The following LRRTM4 variants were observed in gnomAD, a reference collection of about 807,000 sequenced individuals.
LRRTM4 encodes leucine-rich repeat transmembrane neuronal protein 4.
A neutral mutation model predicts 47.6 loss-of-function variants in LRRTM4; 25 were observed. The ratio of observed to expected loss-of-function variants is 0.53; its 90% confidence interval spans 0.38 to 0.73. The LOEUF is 0.73. Among genes scored for constraint, LRRTM4 ranks in the 30% least tolerant of loss-of-function variants. The pLI, the probability that LRRTM4 is intolerant of heterozygous loss-of-function variation, is 0.00. For synonymous variants in LRRTM4, 311 were observed against 269.5 expected, an observed-to-expected ratio of 1.15 and a Z score of -1.51; for missense variants, 638 against 713.4, an observed-to-expected ratio of 0.89 and a Z score of 1.20.
intron 3 of LRRTM4, among the ~76,000 whole-genome samples, chr2:76,945,708 G>C (rs1397498492): frequency 6.6e-6 from 1 of 151,678 alleles, no homozygotes; most frequent in Non-Finnish European, 1.5e-5. Flanking sequence ...ACAATTTGGA[G>C]TAAAAATATG....
At chr2:76,974,193 T>TATACATATATATAC (rs1676327170) in intron 3 of LRRTM4, among the ~76,000 whole-genome samples, 2 of 119,608 alleles carry the variant, frequency 1.7e-5, no homozygotes, top group Admixed American at 8.6e-5. Context: ...CATACATATA[T>TATACATATATATAC]ATACATATAT....
chr2:77,380,981 A>C (rs1278476007), intron 3 of LRRTM4, among the ~76,000 whole-genome samples: 1 of 152,142 alleles, frequency 6.6e-6, no homozygotes, highest in Admixed American at 6.6e-5. Flanking sequence ...TGAAGGGAAT[A>C]ATATAAAACA....
intron 3 of LRRTM4, among the ~76,000 whole-genome samples, chr2:77,143,289 A>C (rs752018953): frequency 1.3e-5 from 2 of 152,184 alleles, no homozygotes; most frequent in Admixed American, 6.5e-5. Context: ...AAGCAAACAT[A>C]ATTAGAAAAT....
intron 3 of LRRTM4, among the ~76,000 whole-genome samples, chr2:77,379,778 T>A (rs1417485600): frequency 6.6e-6 from 1 of 152,152 alleles, no homozygotes; most frequent in East Asian, 1.9e-4. Context: ...AGGCTGGTAA[T>A]TATTTTTCTC....
intron 3 of LRRTM4, among the ~76,000 whole-genome samples, chr2:76,980,762 T>C (rs1005672697): frequency 1.3e-5 from 2 of 152,070 alleles, no homozygotes; most frequent in Non-Finnish European, 2.9e-5. Flanking sequence ...TGTTTGAAAC[T>C]TAGATGTCAA....
chr2:76,747,985 C>T lies in LRRTM4; in HGVS notation c.*710G>A, dbSNP rs2104041435. ...GCTGCCAATGGGACAAAACAAAATT[C>T]CTTCTATCATGTACCATATATGGCA... On this transcript the variant is annotated 3_prime_UTR_variant, in exon 4 of 4. Transcript: ENST00000409884. 1 of 152,240 alleles carries T rather than the reference C, an allele frequency of 6.6e-6. No homozygotes were observed. The highest frequency in any genetic ancestry group is 2.1e-4 in the South Asian group (1 of 4,816). 9.4% of individuals were successfully genotyped at this position (152,240 alleles called of 1,614,324 possible).
chr2:77,520,459 A>T (rs1373522973), intron 2 of LRRTM4, among the ~76,000 whole-genome samples: 1 of 152,020 alleles, frequency 6.6e-6, no homozygotes, highest in Non-Finnish European at 1.5e-5. Flanking sequence ...CCAATGAAGC[A>T]TTGGATGAAG....
chr2:77,340,045 G>A (rs1022210506), intron 3 of LRRTM4, among the ~76,000 whole-genome samples: 8 of 151,904 alleles, frequency 5.3e-5, no homozygotes, highest in Admixed American at 2.0e-4. Context: ...CATGAAAAAC[G>A]TGATGTACAT....
chr2:76,795,116 A>C (rs1275267710), intron 3 of LRRTM4, among the ~76,000 whole-genome samples: 1 of 152,162 alleles, frequency 6.6e-6, no homozygotes, highest in African/African-American at 2.4e-5. Context: ...ATACCGAGAG[A>C]TTTACTAACA....
chr2:76,979,696 CGATA>C (rs71376811), intron 3 of LRRTM4, among the ~76,000 whole-genome samples: 46,973 of 146,398 alleles, frequency 0.32, 7,893 homozygotes, highest in East Asian at 0.59. Context: ...AGAGTATAAG[CGATA>C]GATAGATAGA....
intron 3 of LRRTM4, among the ~76,000 whole-genome samples, chr2:76,820,079 G>A (rs1671010671): frequency 6.6e-6 from 1 of 151,794 alleles, no homozygotes; most frequent in Admixed American, 6.6e-5. Context: ...ATTTAAAAAG[G>A]AAACTACATG....
At chr2:77,089,019 G>A (rs1435251933) in intron 3 of LRRTM4, among the ~76,000 whole-genome samples, 1 of 152,052 alleles carries the variant, frequency 6.6e-6, no homozygotes. Flanking sequence ...TGGGAAGGCA[G>A]CCTTCCCTTG....
intron 3 of LRRTM4, among the ~76,000 whole-genome samples, chr2:77,504,006 G>A (rs1678671106): frequency 6.6e-6 from 1 of 151,588 alleles, no homozygotes; most frequent in Non-Finnish European, 1.5e-5. Context: ...GTAGACTGGG[G>A]TAGAATCTTT....
At chr2:77,002,953 A>G (rs1677486935) in intron 3 of LRRTM4, among the ~76,000 whole-genome samples, 1 of 152,062 alleles carries the variant, frequency 6.6e-6, no homozygotes, top group South Asian at 2.1e-4. Context: ...GACCACACCA[A>G]TCATTTATGC....
At chr2:76,773,610 A>C (rs1332057634) in intron 3 of LRRTM4, among the ~76,000 whole-genome samples, 2 of 151,898 alleles carry the variant, frequency 1.3e-5, no homozygotes, top group Non-Finnish European at 2.9e-5. Context: ...CAAAGGAACA[A>C]CTAAAAATAA....
intron 3 of LRRTM4, among the ~76,000 whole-genome samples, chr2:77,217,441 A>ATATATATATATATATT (rs1558638090): frequency 7.4e-5 from 1 of 13,582 alleles, no homozygotes; most frequent in African/African-American, 3.7e-4. Flanking sequence ...TCCAAATGAA[A>ATATATATATATATATT]TATATATATA....
intron 3 of LRRTM4, among the ~76,000 whole-genome samples, chr2:76,926,323 A>G (rs1219223718): frequency 6.6e-6 from 1 of 152,126 alleles, no homozygotes; most frequent in Non-Finnish European, 1.5e-5. Flanking sequence ...ACAAGAATAC[A>G]CCACTGCCAA....
At chr2:77,270,553 C>T (rs1239190043) in intron 3 of LRRTM4, among the ~76,000 whole-genome samples, 4 of 152,276 alleles carry the variant, frequency 2.6e-5, no homozygotes, top group South Asian at 2.1e-4. Flanking sequence ...TTTTTATAAG[C>T]CTGAAACTCA....
At chr2:77,399,124 C>T (rs1306126150) in intron 3 of LRRTM4, among the ~76,000 whole-genome samples, 1 of 150,860 alleles carries the variant, frequency 6.6e-6, no homozygotes, top group Non-Finnish European at 1.5e-5. Flanking sequence ...AAACGTGATG[C>T]CATTCCTATT....
Sources: gnomAD v4.1 joint callset for allele counts (sites outside exome capture counted in the v4.1 genomes callset) on GRCh38, gnomAD v4.1.1 for gene constraint, MANE v1.5 for transcripts, NCBI Gene and HGNC (gene_info 2026-07-23, HGNC 2026-07-21) for gene names.